The following PGD variants were observed in gnomAD, a reference collection of about 807,000 sequenced individuals.
PGD encodes the protein phosphogluconate dehydrogenase.
In PGD, 21 loss-of-function variants were observed where a neutral mutation model predicts 60.4. The ratio of observed to expected loss-of-function variants is 0.35; its 90% confidence interval spans 0.25 to 0.50. PGD has a LOEUF of 0.50. Among genes scored for constraint, PGD ranks in the 20% least tolerant of loss-of-function variants. The pLI, the probability that PGD is intolerant of heterozygous loss-of-function variation, is 0.98. For missense variants in PGD, 477 were observed against 613.1 expected (o/e 0.78, Z 2.34); for synonymous variants, 230 against 235.9 (o/e 0.97, Z 0.23).
intron 6 of PGD, among the ~76,000 whole-genome samples, chr1:10,410,487 C>G (rs1293516730): frequency 6.6e-6 from 1 of 151,850 alleles, no homozygotes. Context: ...ATGTGAGCGT[C>G]AGTTATACAA....
At chr1:10,402,340 GA>G (rs138949339) in intron 3 of PGD, among the ~76,000 whole-genome samples, 5,199 of 151,916 alleles carry the variant, frequency 0.034, 112 homozygotes, top group Middle Eastern at 0.13. Context: ...AAAGTGTTGG[GA>G]TTACAGGTGT....
chr1:10,419,999 C>T lies in PGD; in HGVS notation c.*250C>T. ...GAGAGTGGGAACCATCTCCTTGCGG[C>T]AGTGGCTTCCGCGTGCCCCGTGTGC... On this transcript the variant is annotated 3_prime_UTR_variant, in exon 13 of 13. Transcript: ENST00000270776. 1 of 487,514 alleles carries T rather than the reference C, an allele frequency of 2.1e-6. No homozygotes were observed. Among genetic ancestry groups the T allele is most frequent in the Non-Finnish European group, 3.7e-6 (1 of 268,054 alleles). The allele number at this position is 487,514 out of a possible 1,614,324, so 30.2% of individuals were successfully genotyped here.
At position 10,419,773 on chromosome 1, in the gene PGD, A is replaced by G; in HGVS notation, c.*24A>G. 2 of 1,613,710 alleles carry G rather than the reference A, an allele frequency of 1.2e-6. No homozygotes were observed. The highest frequency in any genetic ancestry group is 2.2e-5 in the South Asian group (2 of 91,058). ...GATCATGCTGCTCCTGTCACCCTCC[A>G]CGATTCCACAGACCAGGACATTCCA... On this transcript the variant is annotated 3_prime_UTR_variant, in exon 13 of 13. Coordinates refer to ENST00000270776, the MANE Select transcript of PGD (RefSeq NM_002631.4).
intron 6 of PGD, among the ~76,000 whole-genome samples, chr1:10,409,649 C>CTTTT (rs543426528): frequency 0.031 from 2,345 of 75,396 alleles, 272 homozygotes; most frequent in African/African-American, 0.048. Context: ...GTGGTAGCAA[C>CTTTT]TTTTTTTTTT....
intron 3 of PGD, among the ~76,000 whole-genome samples, chr1:10,401,065 C>T (rs1225744335): frequency 1.3e-5 from 2 of 152,150 alleles, no homozygotes; most frequent in African/African-American, 4.8e-5. Context: ...ATTAGCTGGG[C>T]TTTGTGGCTC....
rs113366145 is a variant in PGD at position 10,416,714 on chromosome 1, G to A, written c.845-273G>A. ...GGGTTTTTCTCTTACGGGCAGGGCC[G>A]AGGGGTCACAAGGTGCTCAGTTGGG... is the stretch of plus-strand genomic sequence containing the variant. On this transcript the variant is annotated intron_variant, in intron 8 of 12. Transcript: ENST00000270776. Among the ~76,000 whole-genome samples, 868 of 152,260 alleles carry A rather than the reference G, an allele frequency of 5.7e-3. 10 individuals are homozygous for A. Among genetic ancestry groups the A allele is most frequent in the African/African-American group, 0.019 (805 of 41,538 alleles).
chr1:10,412,701 C>T (rs111981192), intron 7 of PGD: 1 of 192,048 alleles, frequency 5.2e-6, no homozygotes, highest in Non-Finnish European at 1.1e-5. Flanking sequence ...AATAAATATA[C>T]AATATCAAAC....
At chr1:10,418,627 T>G (rs1048296639) in intron 10 of PGD, among the ~76,000 whole-genome samples, 199 bp from the exon 11 acceptor site, 3 of 151,904 alleles carry the variant, frequency 2.0e-5, no homozygotes, top group Non-Finnish European at 4.4e-5. Context: ...ATACAAAAAT[T>G]AGCCGGTTGT....
chr1:10,414,305 A>G (rs1639557057), intron 8 of PGD, among the ~76,000 whole-genome samples: 3 of 152,146 alleles, frequency 2.0e-5, no homozygotes. Context: ...AGGAAATAAT[A>G]TAAAGAAATA....
intron 5 of PGD, among the ~76,000 whole-genome samples, chr1:10,405,446 G>A (rs1639386227): frequency 7.9e-6 from 1 of 127,018 alleles, no homozygotes; most frequent in Non-Finnish European, 1.7e-5. Flanking sequence ...ATAATTGTGG[G>A]CAATCCGATA....
In PGD at chr1:10,400,441, A is replaced by G; in HGVS notation, c.133A>G (p.Asn45Asp). 3 of 1,613,934 alleles carry G rather than the reference A, an allele frequency of 1.9e-6. No individual in the cohort carries two copies. Among genetic ancestry groups the G allele is most frequent in the Non-Finnish European group, 2.5e-6 (3 of 1,179,886 alleles). Residue 45 changes from asparagine to aspartate, a missense_variant, in exon 3 of 13, where the codon AAT becomes GAT. Around this residue, in one of 3 missense-constraint regions of PGD, gnomAD observed 431 missense variants for 556.6 expected, o/e 0.77. Transcript: ENST00000270776. ...CTCCAAAGTTGATGATTTCTTGGCC[A>G]ATGAGGCAAAGGGAACCAAAGTGGT... ...TVSKVDDFLANEAKGTKVVGA... is the reference protein window; with the variant it reads ...TVSKVDDFLADEAKGTKVVGA...
Position 10,416,971 on chromosome 1 carries a change from C to T in PGD, c.845-16C>T, listed in dbSNP as rs759835188. Reference sequence around the variant, plus strand: ...CTGACAGTAATCTGTTTCCTCTTCCCGATCTCCCCATGTAGGAGAAGCTGT... The same window carrying T: ...CTGACAGTAATCTGTTTCCTCTTCCTGATCTCCCCATGTAGGAGAAGCTGT... On this transcript the variant is annotated splice_polypyrimidine_tract_variant and intron_variant, in intron 8 of 12. Coordinates refer to ENST00000270776, the MANE Select transcript of PGD (RefSeq NM_002631.4). The T allele has an allele frequency of 4.3e-6, 7 of 1,611,542 alleles. No homozygotes were observed. Among genetic ancestry groups the T allele is most frequent in the Middle Eastern group, 1.7e-4 (1 of 5,850 alleles).
intron 5 of PGD, among the ~76,000 whole-genome samples, chr1:10,405,309 G>A (rs903527335): frequency 6.6e-6 from 1 of 151,426 alleles, no homozygotes; most frequent in African/African-American, 2.4e-5. Flanking sequence ...GGAGGCAGAG[G>A]TTAGTGAGCC....
chr1:10,402,479 G>A (rs1639330918), intron 3 of PGD, among the ~76,000 whole-genome samples: 1 of 151,072 alleles, frequency 6.6e-6, no homozygotes, highest in Admixed American at 6.6e-5. Flanking sequence ...TTTAGCCCAG[G>A]AGTTTGAGAC....
chr1:10,417,245 C>A, intron 9 of PGD, 128 bp downstream of exon 9: 1 of 1,438,450 alleles, frequency 7.0e-7, no homozygotes, highest in South Asian at 1.3e-5. Context: ...TGACTTGGAT[C>A]TTGACTTACA....
intron 4 of PGD, among the ~76,000 whole-genome samples, 160 bp downstream of exon 4, chr1:10,403,296 A>T (rs559677165): frequency 2.0e-5 from 3 of 152,140 alleles, no homozygotes; most frequent in African/African-American, 4.8e-5. Context: ...CTGTTAAGAC[A>T]CACTTAACAG....
Position 10,419,557 on chromosome 1 carries a change from G to T in PGD, c.1332+18G>T, listed in dbSNP as rs758985624. On this transcript the variant is annotated intron_variant, in intron 12 of 12. Transcript: ENST00000270776. Reference sequence around the variant, plus strand: ...TCATCCAGGTAAGCCTGTGGAGCAGGGATTAACCTGGCTGGCCCCTCGGGG... The same window carrying T: ...TCATCCAGGTAAGCCTGTGGAGCAGTGATTAACCTGGCTGGCCCCTCGGGG... 2.5e-6 allele frequency: 4 copies of T among 1,613,882 alleles called. No individual in the cohort carries two copies. The highest frequency in any genetic ancestry group is 3.4e-6 in the Non-Finnish European group (4 of 1,179,896).
intron 2 of PGD, 137 bp downstream of exon 2, chr1:10,399,841 T>C (rs967221432): frequency 2.6e-5 from 20 of 763,344 alleles, no homozygotes; most frequent in African/African-American, 8.6e-5. Flanking sequence ...CATTTTTGTA[T>C]GGAAAGGAGA....
chr1:10,419,020 T>C, intron 11 of PGD, 95 bp downstream of exon 11: 1 of 780,484 alleles, frequency 1.3e-6, no homozygotes, highest in Non-Finnish European at 2.2e-6. Flanking sequence ...TGGTTTTTTG[T>C]TTTTTTGAGA....
Sources: gnomAD v4.1 joint callset for allele counts (sites outside exome capture counted in the v4.1 genomes callset) on GRCh38, gnomAD v4.1.1 for gene constraint, gnomAD v4.1.1 regional missense constraint, MANE v1.5 for transcripts, NCBI Gene and HGNC (gene_info 2026-07-23, HGNC 2026-07-21) for gene names.